The following SLC12A8 variants were observed in gnomAD, a reference collection of about 807,000 sequenced individuals.
SLC12A8 encodes solute carrier family 12 member 8, also known as cation-chloride cotransporter 9.
Under a neutral mutation model 75.6 loss-of-function variants are expected in SLC12A8, and 69 were observed. The observed-to-expected ratio is 0.91, with a 90% CI of 0.75 to 1.11. The LOEUF (loss-of-function observed/expected upper bound fraction) is 1.11, where lower values mean the gene tolerates loss of function less well. SLC12A8 is among the 50% of genes most tolerant of loss of function. SLC12A8 has a pLI of 0.00. For missense variants in SLC12A8, 877 were observed against 896.7 expected, an observed-to-expected ratio of 0.98 and a Z score of 0.28; for synonymous variants, 365 against 372.8, an observed-to-expected ratio of 0.98 and a Z score of 0.24.
chr3:125,182,798 G>A (rs79205279), intron 4 of SLC12A8, among the ~76,000 whole-genome samples: 9,492 of 152,140 alleles, frequency 0.062, 424 homozygotes, highest in East Asian at 0.21. Context: ...GAGCCACCGC[G>A]CCTGGCCTTG....
chr3:125,141,162 AG>A (rs201553044), intron 5 of SLC12A8, among the ~76,000 whole-genome samples: 1 of 131,704 alleles, frequency 7.6e-6, no homozygotes, highest in Non-Finnish European at 1.6e-5. Context: ...AAAAACAAAA[AG>A]GGGGGTGGGG....
At position 125,091,550 on chromosome 3, in the gene SLC12A8, C is replaced by T. The variant is rs267599587; in HGVS notation, c.1810G>A (p.Gly604Arg). ...ATCACAAACATGATGAGAAGGGACC[C>T]AACAGCCTGTGAAAACAGAGTAGGA... Reference protein sequence around the residue: ...NPWVSLLGAVGSLLIMFVIQW... With the variant: ...NPWVSLLGAVRSLLIMFVIQW... Residue 604 changes from glycine to arginine, a missense_variant, in exon 12 of 14, where the codon GGG becomes AGG. Coordinates refer to ENST00000469902, the MANE Select transcript of SLC12A8 (RefSeq NM_024628.6). The T allele has an allele frequency of 6.2e-7, 1 of 1,610,634 alleles. No individual in the cohort carries two copies. The highest frequency in any genetic ancestry group is 1.7e-5 in the Admixed American group (1 of 59,998).
intron 6 of SLC12A8, among the ~76,000 whole-genome samples, chr3:125,122,917 A>G (rs6802462): frequency 6.6e-6 from 1 of 152,254 alleles, no homozygotes. Flanking sequence ...TCCAAGAAGA[A>G]TATTCTATCT....
chr3:125,100,582 AT>A (rs1378203341), intron 10 of SLC12A8, among the ~76,000 whole-genome samples: 1 of 150,912 alleles, frequency 6.6e-6, no homozygotes, highest in Non-Finnish European at 1.5e-5. Context: ...TAATTTTTGT[AT>A]TTTTAGTAGA....
chr3:125,107,571 T>C lies in SLC12A8; in HGVS notation c.1615A>G (p.Thr539Ala). Residue 539 changes from threonine (T) to alanine (A), a missense_variant, in exon 10 of 14, where the codon ACT (threonine) becomes GCT (alanine). By Grantham distance (58) the Thr-to-Ala change is moderately conservative (BLOSUM62 0). Transcript: ENST00000469902. ...GGCTGAGTCCCTTCGCTCTTGGAAG[T>C]CTGCTTGTTCCAGCAGGACTCCTGC... ...EGQESCWNKQ[T>A]SKSEGTQPEG... is the part of the protein sequence containing the mutation. 1 of 1,614,162 alleles carries C rather than the reference T, an allele frequency of 6.2e-7. No individual in the cohort carries two copies. Among genetic ancestry groups the C allele is most frequent in the Non-Finnish European group, 8.5e-7 (1 of 1,180,012 alleles).
rs577941471 is a variant in SLC12A8 at position 125,144,495 on chromosome 3, G to A, written c.623-8713C>T. 3.9e-5 allele frequency among the ~76,000 whole-genome samples: 6 copies of A among 152,200 alleles called. No individual in the cohort carries two copies. In the South Asian group the frequency reaches 8.3e-4, roughly 21 times the overall value. ...ACAGAGCCCCCACTAGCCTACCCTA[G>A]AAAGGAGCCCTGAGAAAGGAAAATC... On this transcript the variant is annotated intron_variant, in intron 5 of 13. Coordinates refer to ENST00000469902, the MANE Select transcript of SLC12A8 (RefSeq NM_024628.6).
chr3:125,191,817 A>T (rs1934914836), intron 2 of SLC12A8, among the ~76,000 whole-genome samples: 1 of 152,214 alleles, frequency 6.6e-6, no homozygotes, highest in Non-Finnish European at 1.5e-5. Context: ...CAATTCAGCC[A>T]CATGGGACTG....
intron 6 of SLC12A8, among the ~76,000 whole-genome samples, chr3:125,122,763 A>G (rs1283425311): frequency 2.6e-5 from 4 of 152,224 alleles, no homozygotes; most frequent in Non-Finnish European, 4.4e-5. Flanking sequence ...CCCACAACCA[A>G]GATCACCCAA....
chr3:125,150,721 G>A (rs904398134), intron 5 of SLC12A8, among the ~76,000 whole-genome samples: 1 of 152,124 alleles, frequency 6.6e-6, no homozygotes, highest in Non-Finnish European at 1.5e-5. Flanking sequence ...TACACTAGGG[G>A]GTAGGACTGA....
At chr3:125,188,722 G>T (rs909253470) in intron 3 of SLC12A8, among the ~76,000 whole-genome samples, 7 of 152,232 alleles carry the variant, frequency 4.6e-5, no homozygotes, top group African/African-American at 1.4e-4. Context: ...GCCAGTTCAA[G>T]AGCTGAGTGG....
At chr3:125,170,701 T>C (rs1295098900) in intron 5 of SLC12A8, among the ~76,000 whole-genome samples, 1 of 151,894 alleles carries the variant, frequency 6.6e-6, no homozygotes, top group Non-Finnish European at 1.5e-5. Context: ...GATCACGAGG[T>C]CAGGAGATGG....
intron 4 of SLC12A8, among the ~76,000 whole-genome samples, chr3:125,180,369 A>T (rs1223472576): frequency 6.6e-6 from 1 of 152,182 alleles, no homozygotes; most frequent in East Asian, 1.9e-4. Flanking sequence ...ACTAAATGAG[A>T]TGATTTATGT....
intron 6 of SLC12A8, 151 bp downstream of exon 6, chr3:125,135,518 T>C (rs1933465048): frequency 2.0e-6 from 1 of 500,276 alleles, no homozygotes; most frequent in Non-Finnish European, 3.6e-6. Flanking sequence ...CATAAACAGA[T>C]AAAATAACAA....
chr3:125,084,126 G>T (rs939681126), intron 13 of SLC12A8, 74 bp from the exon 14 acceptor site: 9 of 1,244,798 alleles, frequency 7.2e-6, no homozygotes, highest in Non-Finnish European at 1.0e-5. Context: ...AGTCTACTGG[G>T]CATAAAGAAA....
intron 4 of SLC12A8, among the ~76,000 whole-genome samples, chr3:125,185,186 G>A (rs1183397097): frequency 6.6e-6 from 1 of 152,118 alleles, no homozygotes; most frequent in Non-Finnish European, 1.5e-5. Context: ...CGGGTGTGGT[G>A]GCGCATGCCT....
chr3:125,091,559 G>A lies in SLC12A8; in HGVS notation c.1804-3C>T. On this transcript the variant is annotated splice_region_variant and splice_polypyrimidine_tract_variant and intron_variant, in intron 11 of 13. Transcript: ENST00000469902. ...ATGATGAGAAGGGACCCAACAGCCT[G>A]TGAAAACAGAGTAGGAAGAGCAAAT... The A allele has an allele frequency of 6.2e-7, 1 of 1,602,410 alleles. No individual in the cohort carries two copies. The highest frequency in any genetic ancestry group is 8.6e-7 in the Non-Finnish European group (1 of 1,169,448).
chr3:125,195,778 C>T lies in SLC12A8; in HGVS notation c.52-5257G>A, dbSNP rs542619165. 2.0e-5 allele frequency among the ~76,000 whole-genome samples: 3 copies of T among 152,196 alleles called. No individual in the cohort carries two copies. In the South Asian group the frequency reaches 6.2e-4, roughly 32 times the overall value. On this transcript the variant is annotated intron_variant, in intron 2 of 13. Coordinates refer to ENST00000469902, the MANE Select transcript of SLC12A8 (RefSeq NM_024628.6). ...CACAGCAGCCTCAAAACTCAGAGCC[C>T]AGAGATGAGCTCTGGAAATCTGATG...
Position 125,092,164 on chromosome 3 carries a change from A to T in SLC12A8, c.1740T>A (p.Asp580Glu). The change falls in exon 11 of 14, where the codon GAT (aspartate) becomes GAA (glutamate). Residue 580 changes from aspartate to glutamate, a missense_variant. Coordinates refer to ENST00000469902, the MANE Select transcript of SLC12A8 (RefSeq NM_024628.6). ...AGAAAGAAGTGGATCTTCTCCAGAC[A>T]TCTTGTTCTTGGAGCCTGGACTTCA... Reference protein sequence around the residue: ...FFLKSRLQEQDVWRRSTSFYT... With the variant: ...FFLKSRLQEQEVWRRSTSFYT... The T allele has an allele frequency of 1.2e-6, 2 of 1,613,018 alleles. No individual in the cohort carries two copies. Among genetic ancestry groups the T allele is most frequent in the Non-Finnish European group, 1.7e-6 (2 of 1,179,146 alleles).
intron 3 of SLC12A8, 69 bp from the exon 4 acceptor site, chr3:125,187,497 AT>A (rs1194820947): frequency 1.2e-5 from 17 of 1,403,878 alleles, no homozygotes; most frequent in Non-Finnish European, 1.7e-5. Context: ...TGCTGGGGGC[AT>A]TGACCACCTC....
Sources: gnomAD v4.1 joint callset for allele counts (sites outside exome capture counted in the v4.1 genomes callset) on GRCh38, gnomAD v4.1.1 for gene constraint, MANE v1.5 for transcripts, NCBI Gene and HGNC (gene_info 2026-07-23, HGNC 2026-07-21) for gene names.